CSGALNACT1: variants seen among roughly 807,000 people sequenced by gnomAD.
CSGALNACT1 encodes beta4GalNAcT-1.
A neutral mutation model predicts 51.0 loss-of-function variants in CSGALNACT1; 52 were observed. The ratio of observed to expected loss-of-function variants is 1.02; its 90% CI spans 0.82 to 1.29. The LOEUF (loss-of-function observed/expected upper bound fraction) is 1.29. Ranked by LOEUF, CSGALNACT1 falls within the 50% of genes most tolerant of loss-of-function variation. The pLI is 0.00. For synonymous variants in CSGALNACT1, 341 were observed against 254.4 expected (o/e 1.34, Z -3.24); for missense variants, 935 against 679.2 (o/e 1.38, Z -4.19).
chr8:19,576,042 T>A (rs952554780), intron 3 of CSGALNACT1, among the ~76,000 whole-genome samples: 1 of 152,082 alleles, frequency 6.6e-6, no homozygotes, highest in African/African-American at 2.4e-5. Context: ...AAGAGGTAGG[T>A]GGGCCGAGAG....
intron 1 of CSGALNACT1, among the ~76,000 whole-genome samples, chr8:19,644,590 A>C (rs1378222540): frequency 6.6e-6 from 1 of 151,446 alleles, no homozygotes; most frequent in African/African-American, 2.4e-5. Flanking sequence ...TGCGCCTGTA[A>C]TCCCAGCTAC....
At chr8:19,579,878 T>G (rs1444667128) in intron 3 of CSGALNACT1, among the ~76,000 whole-genome samples, 1 of 151,996 alleles carries the variant, frequency 6.6e-6, no homozygotes, top group East Asian at 1.9e-4. Flanking sequence ...ACACTAAGTC[T>G]CCCGCTGAGA....
chr8:19,562,036 C>A (rs2040855019), intron 3 of CSGALNACT1, among the ~76,000 whole-genome samples: 1 of 152,160 alleles, frequency 6.6e-6, no homozygotes, highest in African/African-American at 2.4e-5. Context: ...GATGGAGCTC[C>A]TACCAAGCCT....
intron 3 of CSGALNACT1, among the ~76,000 whole-genome samples, chr8:19,541,274 G>A (rs113636489): frequency 0.012 from 1,566 of 135,306 alleles, 35 homozygotes; most frequent in African/African-American, 0.041. Flanking sequence ...TTTTTGAGAC[G>A]GAGTCTTGCT....
At chr8:19,565,656 C>T (rs1175557479) in intron 3 of CSGALNACT1, among the ~76,000 whole-genome samples, 1 of 152,214 alleles carries the variant, frequency 6.6e-6, no homozygotes, top group Non-Finnish European at 1.5e-5. Context: ...CAGTGGCTCA[C>T]ACCTGTAATC....
upstream of CSGALNACT1, among the ~76,000 whole-genome samples, chr8:19,604,115 T>C (rs2051004026): frequency 6.6e-6 from 1 of 152,140 alleles, no homozygotes; most frequent in African/African-American, 2.4e-5. Context: ...AAGCATCATA[T>C]TCCTCCAGAG....
chr8:19,757,538 C>A lies in CSGALNACT1; in HGVS notation c.-297+312G>T, dbSNP rs1290369632. Among the ~76,000 whole-genome samples the A allele has an allele frequency of 6.6e-6, 1 of 152,102 alleles. No homozygotes were observed. Among genetic ancestry groups the A allele is most frequent in the Non-Finnish European group, 1.5e-5 (1 of 67,994 alleles). ...GAAGCCTGTCACTCTCGGAAGGGGC[C>A]GCGCTCGGACACCAGGGGCGGTTTA... is the stretch of plus-strand genomic sequence containing the variant. On this transcript the variant is annotated intron_variant, in intron 1 of 1. Transcript: ENST00000517494. The surrounding 1 kb of genome is among the most constrained non-coding windows in gnomAD (Gnocchi z 4.0).
At chr8:19,680,658 C>T (rs1210343885) in intron 1 of CSGALNACT1, among the ~76,000 whole-genome samples, 1 of 145,412 alleles carries the variant, frequency 6.9e-6, no homozygotes, top group African/African-American at 2.6e-5. Context: ...TTAGGTATTA[C>T]AAGTAATCTA....
At chr8:19,414,592 CAT>C (rs1173097719) in intron 8 of CSGALNACT1, among the ~76,000 whole-genome samples, 1 of 22,326 alleles carries the variant, frequency 4.5e-5, no homozygotes, top group Non-Finnish European at 1.3e-4. Flanking sequence ...AAAACACACA[CAT>C]ACACACACAC....
At chr8:19,416,751 G>A (rs544661733) in intron 8 of CSGALNACT1, among the ~76,000 whole-genome samples, 1 of 152,206 alleles carries the variant, frequency 6.6e-6, no homozygotes, top group Admixed American at 6.5e-5. Flanking sequence ...AGTTGGCTAT[G>A]TTATGTAGGA....
chr8:19,753,126 T>C (rs1449891341), intron 1 of CSGALNACT1, among the ~76,000 whole-genome samples: 1 of 152,174 alleles, frequency 6.6e-6, no homozygotes, highest in Non-Finnish European at 1.5e-5. Flanking sequence ...CCATGGCCTT[T>C]GCTAGCTGGG....
At chr8:19,681,515 T>C (rs1407647895) in intron 1 of CSGALNACT1, among the ~76,000 whole-genome samples, 1 of 152,180 alleles carries the variant, frequency 6.6e-6, no homozygotes, top group South Asian at 2.1e-4. Context: ...TCAGAGCAGA[T>C]ACAAGACAAG....
At chr8:19,437,789 C>G (rs1299647017) in intron 6 of CSGALNACT1, among the ~76,000 whole-genome samples, 1 of 152,148 alleles carries the variant, frequency 6.6e-6, no homozygotes, top group Non-Finnish European at 1.5e-5. Context: ...TGGTCTCTAG[C>G]ATGAAGTGAA....
chr8:19,591,306 A>T (rs762385475), intron 2 of CSGALNACT1: 2 of 152,166 alleles, frequency 1.3e-5, no homozygotes, highest in Non-Finnish European at 2.9e-5. Context: ...GAAGGGAAGA[A>T]TTACTTAAAT....
intron 5 of CSGALNACT1, among the ~76,000 whole-genome samples, chr8:19,451,151 G>A (rs1314804581): frequency 6.6e-6 from 1 of 152,152 alleles, no homozygotes; most frequent in Non-Finnish European, 1.5e-5. Context: ...AAGGCCCTTA[G>A]GGTCTGGGTG....
chr8:19,699,393 T>A (rs2061742967), intron 1 of CSGALNACT1, among the ~76,000 whole-genome samples: 1 of 152,166 alleles, frequency 6.6e-6, no homozygotes, highest in African/African-American at 2.4e-5. Flanking sequence ...AACCCAACTG[T>A]CCATCAACAA....
At chr8:19,436,279 C>T (rs1048402240) in intron 6 of CSGALNACT1, among the ~76,000 whole-genome samples, 6 of 152,184 alleles carry the variant, frequency 3.9e-5, no homozygotes, top group South Asian at 4.1e-4. Context: ...CTACTTTCAA[C>T]TAACAACTAT....
chr8:19,517,333 G>C (rs546958334), intron 3 of CSGALNACT1, among the ~76,000 whole-genome samples: 1 of 152,094 alleles, frequency 6.6e-6, no homozygotes, highest in Non-Finnish European at 1.5e-5. Flanking sequence ...CCAGTTGCTC[G>C]GGAGGCTGAG....
At chr8:19,507,711 T>C (rs2077635114) in intron 3 of CSGALNACT1, among the ~76,000 whole-genome samples, 1 of 152,222 alleles carries the variant, frequency 6.6e-6, no homozygotes, top group Admixed American at 6.5e-5. Context: ...CACTGCCATC[T>C]CTGCCTCCTG....
Sources: gnomAD v4.1 joint callset for allele counts (sites outside exome capture counted in the v4.1 genomes callset) on GRCh38, gnomAD v4.1.1 for gene constraint, Gnocchi (gnomAD v3.1) non-coding constraint, MANE v1.5 for transcripts, NCBI Gene and HGNC (gene_info 2026-07-23, HGNC 2026-07-21) for gene names.